Variants in EYA1 observed in about 807,000 individuals in gnomAD.
EYA1 encodes protein phosphatase EYA1.
In EYA1, 16 loss-of-function variants were observed where a neutral mutation model predicts 82.0. The ratio of observed to expected loss-of-function variants is 0.20; its 90% CI spans 0.13 to 0.30. The LOEUF (loss-of-function observed/expected upper bound fraction) is 0.30, where lower values mean the gene tolerates loss of function less well. Ranked by LOEUF, EYA1 falls within the 10% of genes least tolerant of loss-of-function variation. The pLI, the probability that EYA1 is intolerant of heterozygous loss-of-function variation, is 1.00. For missense variants in EYA1, 633 were observed against 730.7 expected (o/e 0.87, Z 1.54); for synonymous variants, 261 against 264.4 (o/e 0.99, Z 0.12).
chr8:71,411,820 G>T (rs1427338865), intron 2 of EYA1, among the ~76,000 whole-genome samples: 1 of 146,226 alleles, frequency 6.8e-6, no homozygotes, highest in East Asian at 2.0e-4. Context: ...AGTCAGTGTG[G>T]CGATTCCTCA....
intron 2 of EYA1, among the ~76,000 whole-genome samples, chr8:71,412,426 TAA>T (rs71264554): frequency 9.3e-6 from 1 of 107,412 alleles, no homozygotes. Context: ...TAAAATAAAA[TAA>T]AAAAAAGAAA....
chr8:71,499,817 C>T (rs1287346861), intron 2 of EYA1, among the ~76,000 whole-genome samples: 2 of 152,176 alleles, frequency 1.3e-5, no homozygotes, highest in East Asian at 3.8e-4. Context: ...TACACTGTAG[C>T]TTTAGGAGAA....
chr8:71,265,273 C>T (rs1379441284), intron 11 of EYA1, among the ~76,000 whole-genome samples: 5 of 151,986 alleles, frequency 3.3e-5, no homozygotes, highest in Admixed American at 2.6e-4. Context: ...CATTGGGTCT[C>T]TAACCTCTCC....
chr8:71,361,906 C>T lies in EYA1; in HGVS notation c.-314G>A. The T allele has an allele frequency of 1.0e-6, 1 of 985,460 alleles. No homozygotes were observed. Among genetic ancestry groups the T allele is most frequent in the Non-Finnish European group, 1.2e-6 (1 of 829,970 alleles). 61.0% of individuals were successfully genotyped at this position (985,460 alleles called of 1,614,324 possible). A position where few individuals can be genotyped will look rare whatever the true frequency, so the allele number is the denominator to read the frequency against. On this transcript the variant is annotated 5_prime_UTR_variant, in exon 1 of 18. Coordinates refer to ENST00000340726, the MANE Select transcript of EYA1 (RefSeq NM_000503.6). ...AAAACGTGTTCCCCAGGAAGAAACC[C>T]GCCACAGTGGACGGCAACAGGAAGG...
intron 2 of EYA1, among the ~76,000 whole-genome samples, chr8:71,419,469 C>T (rs1426719435): frequency 6.6e-6 from 1 of 152,062 alleles, no homozygotes; most frequent in Admixed American, 6.6e-5. Context: ...AAAGCATTTC[C>T]CCTTTGAGAC....
intron 17 of EYA1, among the ~76,000 whole-genome samples, chr8:71,202,051 A>C (rs1807095694): frequency 1.3e-5 from 2 of 152,188 alleles, no homozygotes; most frequent in Non-Finnish European, 2.9e-5. Context: ...AAAACATACA[A>C]AAATACTTGT....
intron 2 of EYA1, among the ~76,000 whole-genome samples, chr8:71,446,281 G>A (rs1355601279): frequency 1.3e-5 from 2 of 151,966 alleles, no homozygotes; most frequent in African/African-American, 4.8e-5. Context: ...TCATGGGGGT[G>A]GTTTCCCCCA....
At chr8:71,507,252 C>A (rs752743069) in intron 2 of EYA1, among the ~76,000 whole-genome samples, 2 of 152,200 alleles carry the variant, frequency 1.3e-5, no homozygotes, top group Non-Finnish European at 2.9e-5. Context: ...GGTCACAGAG[C>A]TGGTAAGTGT....
intron 2 of EYA1, among the ~76,000 whole-genome samples, chr8:71,486,344 C>A (rs1281549299): frequency 6.6e-6 from 1 of 152,178 alleles, no homozygotes; most frequent in Non-Finnish European, 1.5e-5. Context: ...ATCGACTCTA[C>A]TGGAAAGAGA....
chr8:71,362,325 T>G, upstream of EYA1: 1 of 494,078 alleles, frequency 2.0e-6, no homozygotes, highest in Non-Finnish European at 2.6e-6. Context: ...CCCCACGCTA[T>G]CTGAATAAAC....
At chr8:71,286,351 T>C (rs192907734) in intron 9 of EYA1, among the ~76,000 whole-genome samples, 1 of 152,342 alleles carries the variant, frequency 6.6e-6, no homozygotes, top group East Asian at 1.9e-4. Flanking sequence ...TAAGGCTGAT[T>C]ACTGCTGACT....
At chr8:71,330,851 T>TTGTGTGTG (rs35043341) in intron 4 of EYA1, among the ~76,000 whole-genome samples, 4 of 147,138 alleles carry the variant, frequency 2.7e-5, no homozygotes, top group Middle Eastern at 3.5e-3. Context: ...CCTTGATTTC[T>TTGTGTGTG]TGTGTGTGTG....
rs1806481934 is a variant in EYA1, at chr8:71,198,186, TCTA to T, written c.*1151_*1153del. The T allele has an allele frequency of 6.6e-6, 1 of 152,642 alleles. No individual in the cohort carries two copies. Among genetic ancestry groups the T allele is most frequent in the African/African-American group, 2.4e-5 (1 of 41,450 alleles). The allele number at this position is 152,642 out of a possible 1,614,324, so 9.5% of individuals were successfully genotyped here. The stretch of plus-strand genomic sequence containing the variant: ...TGAACCATTTTATTAATAAAATATA[TCTA>T]CTATCATCTATATTCTTTGTGGGAA... On this transcript the variant is annotated 3_prime_UTR_variant, in exon 18 of 18. Coordinates refer to ENST00000340726, the MANE Select transcript of EYA1 (RefSeq NM_000503.6).
intron 2 of EYA1, among the ~76,000 whole-genome samples, chr8:71,457,071 A>G (rs1396237136): frequency 1.3e-5 from 2 of 152,062 alleles, no homozygotes; most frequent in Non-Finnish European, 2.9e-5. Context: ...CAAGAAAAAA[A>G]CAAACAACCC....
intron 17 of EYA1, 77 bp downstream of exon 17, chr8:71,211,079 T>C: frequency 3.3e-6 from 3 of 912,652 alleles, no homozygotes; most frequent in East Asian, 2.4e-5. Flanking sequence ...ATGGAACCTG[T>C]TTAAATGATC....
intron 12 of EYA1, among the ~76,000 whole-genome samples, chr8:71,218,018 A>C (rs1237517453): frequency 1.3e-5 from 2 of 152,204 alleles, no homozygotes; most frequent in African/African-American, 4.8e-5. Flanking sequence ...ACTCTAGTCC[A>C]GAAACTTAAC....
chr8:71,366,139 G>A (rs1586560433), upstream of EYA1, among the ~76,000 whole-genome samples: 3 of 148,572 alleles, frequency 2.0e-5, no homozygotes, highest in East Asian at 6.2e-4. Context: ...AGTAATGGCT[G>A]CCTATCAGAT....
At chr8:71,207,729 G>A (rs1050936756) in intron 17 of EYA1, among the ~76,000 whole-genome samples, 1 of 151,696 alleles carries the variant, frequency 6.6e-6, no homozygotes, top group African/African-American at 2.4e-5. Context: ...ATTTTATTCT[G>A]TAATTGCTGA....
rs530512588 is a variant in EYA1, at chr8:71,313,341, A to T, written c.556+4211T>A. Among the ~76,000 whole-genome samples, 402 of 152,282 alleles carry T rather than the reference A, an allele frequency of 2.6e-3. 1 individual carries two copies. The highest frequency in any genetic ancestry group is 4.2e-3 in the Non-Finnish European group (285 of 68,030). On this transcript the variant is annotated intron_variant, in intron 7 of 17. Coordinates refer to ENST00000340726, the MANE Select transcript of EYA1 (RefSeq NM_000503.6). ...CTTAAAGTTCTCTTTCATGTCTAAA[A>T]TATATTTTGTTATATATATTATTAC...
Sources: gnomAD v4.1 joint callset for allele counts (sites outside exome capture counted in the v4.1 genomes callset) on GRCh38, gnomAD v4.1.1 for gene constraint, MANE v1.5 for transcripts, NCBI Gene and HGNC (gene_info 2026-07-23, HGNC 2026-07-21) for gene names.